Variants in PTPRO observed in about 807,000 individuals in gnomAD.
PTPRO encodes protein tyrosine phosphatase receptor type O.
Under a neutral mutation model 145.2 loss-of-function variants are expected in PTPRO, and 62 were observed. The observed-to-expected ratio is 0.43, with a 90% CI of 0.35 to 0.53. The LOEUF is 0.53. Ranked by LOEUF, PTPRO falls within the 20% of genes least tolerant of loss-of-function variation. PTPRO has a pLI of 0.01. For missense variants in PTPRO, 1,345 were observed against 1,482.7 expected, an observed-to-expected ratio of 0.91 and a Z score of 1.53; for synonymous variants, 565 against 514.7, an observed-to-expected ratio of 1.10 and a Z score of -1.32.
chr12:15,469,768 C>A (rs202235248), intron 1 of PTPRO, among the ~76,000 whole-genome samples: 710 of 110,176 alleles, frequency 6.4e-3, no homozygotes, highest in African/African-American at 0.012. Flanking sequence ...AGTGTCCTGA[C>A]AAAAAAAAAA....
At chr12:15,496,833 A>G (rs980364753) in intron 2 of PTPRO, among the ~76,000 whole-genome samples, 3 of 152,212 alleles carry the variant, frequency 2.0e-5, no homozygotes, top group Admixed American at 6.5e-5. Context: ...TCTGTTACTG[A>G]TATCAAATTT....
chr12:15,580,545 T>C, intron 21 of PTPRO, 152 bp from the exon 22 acceptor site: 1 of 889,936 alleles, frequency 1.1e-6, no homozygotes, highest in Non-Finnish European at 1.8e-6. Flanking sequence ...TGATAGCCTC[T>C]TTGATTAAAA....
intron 1 of PTPRO, among the ~76,000 whole-genome samples, chr12:15,440,717 G>A (rs1323531491): frequency 1.3e-5 from 2 of 152,012 alleles, no homozygotes; most frequent in East Asian, 1.9e-4. Flanking sequence ...CAAAAAAGCA[G>A]GGGTCACTAT....
At chr12:15,462,177 T>A (rs1941319074) in intron 1 of PTPRO, among the ~76,000 whole-genome samples, 1 of 152,164 alleles carries the variant, frequency 6.6e-6, no homozygotes, top group Admixed American at 6.5e-5. Context: ...CAGGCTGGAA[T>A]GCAATGGTGC....
At chr12:15,514,441 G>A (rs1267232594) in intron 7 of PTPRO, among the ~76,000 whole-genome samples, 8 of 120,258 alleles carry the variant, frequency 6.7e-5, no homozygotes, top group African/African-American at 2.8e-4. Flanking sequence ...GACAGAGTAA[G>A]ACTCTGTCTC....
At chr12:15,592,695 C>A (rs1160140216) in intron 25 of PTPRO, among the ~76,000 whole-genome samples, 2 of 152,148 alleles carry the variant, frequency 1.3e-5, no homozygotes, top group African/African-American at 4.8e-5. Context: ...CTCAAGGCTC[C>A]CATTTCTCTT....
intron 1 of PTPRO, among the ~76,000 whole-genome samples, chr12:15,465,171 T>A (rs1381033): frequency 0.9 from 137,756 of 152,270 alleles, 63,546 homozygotes; most frequent in Non-Finnish European, 0.99. Flanking sequence ...ACAGCTGTTC[T>A]CAAAGACAAA....
chr12:15,461,510 T>G (rs1347870227), intron 1 of PTPRO, among the ~76,000 whole-genome samples: 1 of 151,790 alleles, frequency 6.6e-6, no homozygotes, highest in Non-Finnish European at 1.5e-5. Flanking sequence ...TGTCAACATC[T>G]TCATCTCCTC....
chr12:15,324,270 T>C (rs1293558148), intron 1 of PTPRO, among the ~76,000 whole-genome samples: 2 of 152,246 alleles, frequency 1.3e-5, no homozygotes, highest in Non-Finnish European at 2.9e-5. Context: ...GTTATATGTA[T>C]GACATCTGAT....
intron 1 of PTPRO, among the ~76,000 whole-genome samples, chr12:15,430,134 G>C (rs139681290): frequency 5.3e-5 from 8 of 152,032 alleles, no homozygotes; most frequent in Non-Finnish European, 8.8e-5. Context: ...AGCAAGCCTA[G>C]AGATACAGAT....
intron 1 of PTPRO, among the ~76,000 whole-genome samples, chr12:15,468,865 G>A (rs1941475920): frequency 6.6e-6 from 1 of 152,152 alleles, no homozygotes; most frequent in Admixed American, 6.5e-5. Flanking sequence ...CCTATATAGG[G>A]ATCAGTCTTT....
intron 1 of PTPRO, among the ~76,000 whole-genome samples, chr12:15,429,441 C>T (rs1470699379): frequency 6.6e-6 from 1 of 152,100 alleles, no homozygotes; most frequent in Non-Finnish European, 1.5e-5. Flanking sequence ...GGGCATGATA[C>T]ATGTGTTCAA....
At chr12:15,570,517 A>G (rs1944020914) in intron 19 of PTPRO, among the ~76,000 whole-genome samples, 1 of 152,194 alleles carries the variant, frequency 6.6e-6, no homozygotes. Context: ...ATTACCAAAT[A>G]CAAAGACCGC....
At chr12:15,398,579 A>G (rs947741547) in intron 1 of PTPRO, among the ~76,000 whole-genome samples, 4 of 152,210 alleles carry the variant, frequency 2.6e-5, no homozygotes, top group African/African-American at 9.6e-5. Context: ...TGAGAATCAA[A>G]TGAAACTTAA....
chr12:15,477,105 T>G (rs1941671338), intron 1 of PTPRO, among the ~76,000 whole-genome samples: 3 of 26,622 alleles, frequency 1.1e-4, no homozygotes, highest in South Asian at 2.9e-3. Context: ...CCAACCCAAA[T>G]GTCCAACAAT....
intron 2 of PTPRO, among the ~76,000 whole-genome samples, chr12:15,487,073 C>G (rs148393466): frequency 6.6e-6 from 1 of 152,008 alleles, no homozygotes. Flanking sequence ...CCCTGAACAC[C>G]GGCACCACAG....
At chr12:15,356,073 G>A (rs1282012357) in intron 1 of PTPRO, among the ~76,000 whole-genome samples, 1 of 152,154 alleles carries the variant, frequency 6.6e-6, no homozygotes, top group Admixed American at 6.5e-5. Flanking sequence ...GAATTAATAA[G>A]TAGCCTTTTA....
intron 1 of PTPRO, among the ~76,000 whole-genome samples, chr12:15,374,555 CTCCTCAAATAGTAGCA>C (rs1938625069): frequency 6.6e-6 from 1 of 152,096 alleles, no homozygotes; most frequent in Non-Finnish European, 1.5e-5. Flanking sequence ...AATTTTGGAA[CTCCTCAAATAGTAGCA>C]TCCCCAGAGT....
chr12:15,381,053 C>T (rs1278676058), intron 1 of PTPRO, among the ~76,000 whole-genome samples: 1 of 152,074 alleles, frequency 6.6e-6, no homozygotes, highest in Non-Finnish European at 1.5e-5. Context: ...AGGCTGATAC[C>T]ATACTAGACA....
Sources: allele counts gnomAD v4.1 joint callset (sites outside exome capture counted in the v4.1 genomes callset), GRCh38; gene constraint gnomAD v4.1.1; transcripts MANE v1.5; gene names NCBI Gene and HGNC (gene_info 2026-07-23, HGNC 2026-07-21).